The following CHD1 variants were observed in gnomAD, a reference collection of about 807,000 sequenced individuals.
CHD1 encodes the protein ATP-dependent chromatin remodeler CHD1.
A neutral mutation model predicts 224.2 loss-of-function variants in CHD1; 36 were observed. That is an observed-to-expected ratio of 0.16 (90% CI 0.12 to 0.21). The LOEUF (loss-of-function observed/expected upper bound fraction) is 0.21, where lower values mean the gene tolerates loss of function less well. CHD1 is among the 10% of genes least tolerant of loss of function. The pLI, the probability that CHD1 is intolerant of heterozygous loss-of-function variation, is 1.00. For synonymous variants in CHD1, 668 were observed against 658.3 expected, an observed-to-expected ratio of 1.01 and a Z score of -0.23; for missense variants, 1,378 against 1,994.8, an observed-to-expected ratio of 0.69 and a Z score of 5.89.
chr5:98,923,866 TACTCTCG>T, intron 2 of CHD1, among the ~76,000 whole-genome samples: 1 of 152,358 alleles, frequency 6.6e-6, no homozygotes, highest in South Asian at 2.1e-4. Flanking sequence ...CTAGAAGATT[TACTCTCG>T]AGTCTTATCT....
At chr5:98,902,081 T>C (rs1271793748) in intron 5 of CHD1, among the ~76,000 whole-genome samples, 20 of 152,088 alleles carry the variant, frequency 1.3e-4, no homozygotes, top group Admixed American at 1.1e-3. Context: ...ATTTTTTACT[T>C]TGAGATCTTT....
At position 98,884,969 on chromosome 5, in the gene CHD1, CG is replaced by C. The variant is rs1183292666; in HGVS notation, c.2568+608del. 5.3e-5 allele frequency among the ~76,000 whole-genome samples: 8 copies of C among 151,954 alleles called. No individual in the cohort carries two copies. The East Asian group carries it at 1.6e-3, about 30-fold the overall frequency. The stretch of plus-strand genomic sequence containing the variant: ...GTGGTCTCAAACTCCTGGTCTGAAG[CG>C]ATTCTCCTGCATTGGCCTCCCAAAG... On this transcript the variant is annotated intron_variant, in intron 18 of 35. Transcript: ENST00000614616.
rs559594680 is a variant in CHD1 at position 98,898,337 on chromosome 5, G to C, written c.1284C>G (p.Leu428=). ...YSECSWEDGA[L]ISKKFQACID... The stretch of plus-strand genomic sequence containing the variant: ...TGCATGCTTGAAACTTTTTGGAAAT[G>C]AGAGCTCCATCTTCCCAGCTGCACT... The change falls in exon 10 of 36, where the codon CTC becomes CTG. Residue 428 remains leucine, a synonymous_variant. Transcript: ENST00000614616. The C allele has an allele frequency of 1.8e-4, 295 of 1,602,588 alleles. 4 individuals are homozygous for C. The South Asian group carries it at 3.2e-3, about 18-fold the overall frequency.
intron 15 of CHD1, among the ~76,000 whole-genome samples, chr5:98,890,952 G>C (rs905793232): frequency 2.6e-5 from 4 of 152,250 alleles, no homozygotes; most frequent in South Asian, 4.1e-4. Flanking sequence ...CCCAATTCGA[G>C]TAAACGTAAA....
At chr5:98,883,857 ATATATTTTTTTTT>A (rs1750418555) in intron 18 of CHD1, 1 of 34,568 alleles carries the variant, frequency 2.9e-5, no homozygotes, top group African/African-American at 1.3e-4. Context: ...ATATATATAT[ATATATTTTTTTTT>A]TTTTTTTTTT....
At chr5:98,926,846 G>A (rs1029971231) in intron 1 of CHD1, among the ~76,000 whole-genome samples, 1 of 139,298 alleles carries the variant, frequency 7.2e-6, no homozygotes, top group Non-Finnish European at 1.5e-5. Context: ...AAGGTGATAC[G>A]ATGTAACATA....
chr5:98,877,926 CAG>C (rs1216892789), intron 23 of CHD1, among the ~76,000 whole-genome samples: 3 of 152,066 alleles, frequency 2.0e-5, no homozygotes, highest in African/African-American at 7.2e-5. Flanking sequence ...TGTTTAACAT[CAG>C]AGAGATGAAA....
chr5:98,900,008 C>T (rs1751590958), intron 7 of CHD1, among the ~76,000 whole-genome samples: 1 of 152,118 alleles, frequency 6.6e-6, no homozygotes, highest in East Asian at 1.9e-4. Flanking sequence ...GGAGGCCCAG[C>T]ACGGTGGCTC....
intron 19 of CHD1, among the ~76,000 whole-genome samples, 188 bp downstream of exon 19, chr5:98,882,900 T>C (rs996900984): frequency 6.6e-6 from 1 of 152,120 alleles, no homozygotes; most frequent in Non-Finnish European, 1.5e-5. Flanking sequence ...TATATATGCA[T>C]AGTTATCTCA....
chr5:98,919,948 G>A (rs1752981508), intron 2 of CHD1, among the ~76,000 whole-genome samples: 1 of 152,082 alleles, frequency 6.6e-6, no homozygotes, highest in African/African-American at 2.4e-5. Flanking sequence ...CTTGGAGAGT[G>A]GCTGATTCTA....
At chr5:98,923,405 T>A (rs1753233798) in intron 2 of CHD1, among the ~76,000 whole-genome samples, 1 of 149,186 alleles carries the variant, frequency 6.7e-6, no homozygotes, top group African/African-American at 2.6e-5. Context: ...TAAATTTGAT[T>A]TCGCAAGGTT....
At chr5:98,866,700 T>A (rs1210857368) in intron 31 of CHD1, among the ~76,000 whole-genome samples, 1 of 152,118 alleles carries the variant, frequency 6.6e-6, no homozygotes, top group African/African-American at 2.4e-5. Flanking sequence ...GAATATATAT[T>A]TATATATAAA....
In CHD1 at chr5:98,876,519, T is replaced by C. The variant is rs1287824715; in HGVS notation, c.3277A>G (p.Arg1093Gly). 1 of 1,614,036 alleles carries C rather than the reference T, an allele frequency of 6.2e-7. No individual in the cohort carries two copies. The highest frequency in any genetic ancestry group is 1.7e-5 in the Admixed American group (1 of 60,014). The change falls in exon 24 of 36, where the codon AGG becomes GGG. Residue 1093 changes from arginine (R) to glycine (G), a missense_variant. Transcript: ENST00000614616. ...NGSEGRRSRSRRYSGSDSDSI... is the reference protein window; with the variant it reads ...NGSEGRRSRSGRYSGSDSDSI... ...TCACTATCAGATCCAGAGTATCTCC[T>C]ACTTCTACTGCGCCTCCCTTCACTT...
At chr5:98,882,616 A>G (rs1210378569) in intron 19 of CHD1, among the ~76,000 whole-genome samples, 1 of 152,192 alleles carries the variant, frequency 6.6e-6, no homozygotes, top group Non-Finnish European at 1.5e-5. Flanking sequence ...AAGATTCTGC[A>G]GTAAATTTTC....
chr5:98,893,518 A>G lies in CHD1; in HGVS notation c.1889T>C (p.Leu630Ser). 6.2e-7 allele frequency: 1 copy of G among 1,611,670 alleles called. No homozygotes were observed. The highest frequency in any genetic ancestry group is 8.5e-7 in the Non-Finnish European group (1 of 1,178,370). ...ACGATGATTGGATTTAAAATCTATT[A>G]AAGTTTTATACAGAAGGGAGTCATC... ...KNDDSLLYKT[L>S]IDFKSNHRLL... Residue 630 changes from leucine to serine, a missense_variant, in exon 14 of 36, where the codon TTA (leucine) becomes TCA (serine). Physicochemically the swap from Leu to Ser is moderately radical, Grantham distance 145 (BLOSUM62 -2). Around this residue, in one of 16 missense-constraint regions of CHD1, gnomAD observed 37 missense variants for 118.9 expected, o/e 0.31. Coordinates refer to ENST00000614616, the MANE Select transcript of CHD1 (RefSeq NM_001270.4).
chr5:98,907,876 T>C (rs879796195), intron 2 of CHD1, among the ~76,000 whole-genome samples: 1 of 152,080 alleles, frequency 6.6e-6, no homozygotes, highest in Non-Finnish European at 1.5e-5. Flanking sequence ...ATGTTTTACA[T>C]GATTTTTTTA....
intron 2 of CHD1, among the ~76,000 whole-genome samples, chr5:98,914,787 T>C (rs1489297219): frequency 6.6e-6 from 1 of 152,220 alleles, no homozygotes; most frequent in Non-Finnish European, 1.5e-5. Flanking sequence ...ATTCCCTGGT[T>C]TCCCCAGGCA....
intron 4 of CHD1, among the ~76,000 whole-genome samples, chr5:98,903,476 A>C (rs1751855606): frequency 6.6e-6 from 1 of 151,102 alleles, no homozygotes; most frequent in Non-Finnish European, 1.5e-5. Flanking sequence ...ATATTCCTTC[A>C]TTCATACATG....
chr5:98,880,392 GATTC>G (rs933112488), intron 22 of CHD1, among the ~76,000 whole-genome samples: 3 of 152,180 alleles, frequency 2.0e-5, no homozygotes, highest in African/African-American at 7.2e-5. Flanking sequence ...TAGTCAGAAT[GATTC>G]ATTAAAATTA....
Sources: allele counts gnomAD v4.1 joint callset (sites outside exome capture counted in the v4.1 genomes callset), GRCh38; gene constraint gnomAD v4.1.1; regional missense constraint gnomAD v4.1.1; transcripts MANE v1.5; gene names NCBI Gene and HGNC (gene_info 2026-07-23, HGNC 2026-07-21).